Variants in TJP2 observed in about 807,000 individuals in gnomAD.
TJP2 encodes Friedreich ataxia region gene X104 (tight junction protein ZO-2).
A neutral mutation model predicts 133.1 loss-of-function variants in TJP2; 91 were observed. That is an observed-to-expected ratio of 0.68 (90% CI 0.58 to 0.81). The LOEUF is 0.81. Ranked by LOEUF, TJP2 falls within the 40% of genes least tolerant of loss-of-function variation. The pLI is 0.00. For synonymous variants in TJP2, 592 were observed against 583.4 expected (o/e 1.01, Z -0.21); for missense variants, 1,541 against 1,565.6 (o/e 0.98, Z 0.26).
At position 69,246,840 on chromosome 9, in the gene TJP2, CT is replaced by C. The variant is rs1211978994; in HGVS notation, c.2667+54del. ...TGAGGTGAGAGTCCCTGTTCTGAAA[CT>C]TTTCTCAAGAGGGCAGTGAATGTAG... is the stretch of plus-strand genomic sequence containing the variant. On this transcript the variant is annotated intron_variant, in intron 18 of 22. Transcript: ENST00000377245. The C allele has an allele frequency of 2.6e-6, 4 of 1,529,190 alleles. No homozygotes were observed. The African/African-American group carries it at 5.5e-5, about 21-fold the overall frequency. The allele number at this position is 1,529,190 out of a possible 1,614,324, so 94.7% of individuals were successfully genotyped here. A position where few individuals can be genotyped will look rare whatever the true frequency, so the allele number is the denominator to read the frequency against.
At chr9:69,137,300 TTTTCTTTTCTTTTCTTTTC>T in intron 1 of TJP2, among the ~76,000 whole-genome samples, 1 of 78,014 alleles carries the variant, frequency 1.3e-5, no homozygotes, top group East Asian at 3.4e-4. Flanking sequence ...TCTTTCTTTC[TTTTCTTTTCTTTTCTTTTC>T]TTTTCTTTTC....
At chr9:69,199,800 G>C (rs1031421259) in intron 1 of TJP2, among the ~76,000 whole-genome samples, 3 of 152,102 alleles carry the variant, frequency 2.0e-5, no homozygotes, top group African/African-American at 7.2e-5. Flanking sequence ...GCATGACATT[G>C]TTCATGGAGA....
At chr9:69,160,983 C>G (rs943195312) in intron 2 of TJP2, among the ~76,000 whole-genome samples, 6 of 152,168 alleles carry the variant, frequency 3.9e-5, no homozygotes, top group African/African-American at 1.4e-4. Context: ...CAAACCATAT[C>G]AGATGGAGAC....
At chr9:69,208,320 T>G (rs959612089) in intron 1 of TJP2, among the ~76,000 whole-genome samples, 1 of 152,210 alleles carries the variant, frequency 6.6e-6, no homozygotes, top group Admixed American at 6.5e-5. Flanking sequence ...CCGTTAACCA[T>G]AGGTAAGAAG....
At chr9:69,195,755 C>G (rs890448445) in intron 1 of TJP2, among the ~76,000 whole-genome samples, 1 of 152,160 alleles carries the variant, frequency 6.6e-6, no homozygotes. Flanking sequence ...GCTGACTGTT[C>G]AAACAGCCAG....
intron 2 of TJP2, among the ~76,000 whole-genome samples, chr9:69,154,667 A>G (rs1287728157): frequency 6.6e-6 from 1 of 151,358 alleles, no homozygotes; most frequent in Non-Finnish European, 1.5e-5. Context: ...GTTCGCACCT[A>G]TAATCATAGC....
chr9:69,137,253 CTT>C (rs1564372363), intron 1 of TJP2, among the ~76,000 whole-genome samples: 4 of 29,402 alleles, frequency 1.4e-4, no homozygotes, highest in Non-Finnish European at 1.8e-4. Flanking sequence ...CTCTCTCTTT[CTT>C]TCTTTCTTTC....
chr9:69,173,085 A>G (rs1366269998), upstream of TJP2, among the ~76,000 whole-genome samples: 1 of 152,200 alleles, frequency 6.6e-6, no homozygotes, highest in Non-Finnish European at 1.5e-5. Flanking sequence ...TTGTTTTTCC[A>G]CGAAACTTCT....
At chr9:69,177,364 A>G (rs1253650779) in intron 1 of TJP2, among the ~76,000 whole-genome samples, 1 of 152,190 alleles carries the variant, frequency 6.6e-6, no homozygotes, top group East Asian at 1.9e-4. Flanking sequence ...ACAGACTCAG[A>G]GGTTAGATTT....
chr9:69,165,972 A>C (rs1824329586), intron 2 of TJP2, among the ~76,000 whole-genome samples: 1 of 152,138 alleles, frequency 6.6e-6, no homozygotes. Context: ...GAGCCCTATA[A>C]GTCACCTAGG....
At chr9:69,160,111 C>T (rs906223128) in intron 2 of TJP2, among the ~76,000 whole-genome samples, 1 of 151,894 alleles carries the variant, frequency 6.6e-6, no homozygotes, top group African/African-American at 2.4e-5. Context: ...AGGATTGGCT[C>T]TGGAAAAAAT....
chr9:69,140,232 T>G (rs1186989399), intron 1 of TJP2, among the ~76,000 whole-genome samples: 1 of 152,220 alleles, frequency 6.6e-6, no homozygotes, highest in Non-Finnish European at 1.5e-5. Flanking sequence ...AAAATACACT[T>G]ACACGGTGTA....
intron 2 of TJP2, among the ~76,000 whole-genome samples, chr9:69,163,027 TTTA>T (rs1362825558): frequency 2.7e-5 from 1 of 36,966 alleles, no homozygotes; most frequent in Non-Finnish European, 5.1e-5. Context: ...TTTATTTTAT[TTTA>T]TTTTTTTTTT....
At chr9:69,176,647 C>T (rs555401904) in intron 1 of TJP2, among the ~76,000 whole-genome samples, 2 of 152,128 alleles carry the variant, frequency 1.3e-5, no homozygotes, top group African/African-American at 4.8e-5. Context: ...TTTTACATCA[C>T]CCCCGGGGGA....
intron 20 of TJP2, 105 bp from the exon 21 acceptor site, chr9:69,250,930 C>A: frequency 8.4e-7 from 1 of 1,191,858 alleles, no homozygotes; most frequent in Non-Finnish European, 1.2e-6. Context: ...TATTTGTGGA[C>A]CACCTTTGGA....
intron 1 of TJP2, among the ~76,000 whole-genome samples, chr9:69,138,303 G>C (rs956574069): frequency 6.6e-6 from 1 of 152,116 alleles, no homozygotes; most frequent in African/African-American, 2.4e-5. Context: ...TTGTTCTCAC[G>C]TATCAGACAT....
In TJP2 at chr9:69,192,162, A is replaced by T. The variant is rs377490882; in HGVS notation, c.60+17730A>T. Among the ~76,000 whole-genome samples the T allele has an allele frequency of 5.4e-4, 82 of 152,168 alleles. 1 individual carries two copies. The South Asian group carries it at 0.017, about 32-fold the overall frequency. On this transcript the variant is annotated intron_variant, in intron 1 of 22. Transcript: ENST00000377245. ...CTTTACAGTTTATAGCAACCTCTAC[A>T]TAAAGCTGGGCATGGTGGCACATGC...
chr9:69,253,237 G>A (rs1440099605), intron 22 of TJP2: 1 of 339,652 alleles, frequency 2.9e-6, no homozygotes, highest in Admixed American at 4.3e-5. Context: ...CTTGTTTGCT[G>A]ACTCTCAGCC....
chr9:69,191,162 A>C (rs572288451), intron 1 of TJP2, among the ~76,000 whole-genome samples: 3 of 152,370 alleles, frequency 2.0e-5, no homozygotes, highest in African/African-American at 7.2e-5. Context: ...GTTTCAATGT[A>C]GTAAGGTGAC....
Sources: allele counts gnomAD v4.1 joint callset (sites outside exome capture counted in the v4.1 genomes callset), GRCh38; gene constraint gnomAD v4.1.1; transcripts MANE v1.5; gene names NCBI Gene and HGNC (gene_info 2026-07-23, HGNC 2026-07-21).